CCDC141: variants seen among roughly 807,000 people sequenced by gnomAD.
CCDC141 encodes the protein coiled-coil domain-containing protein 141.
A neutral mutation model predicts 181.0 loss-of-function variants in CCDC141; 168 were observed. The observed-to-expected ratio is 0.93, with a 90% confidence interval of 0.82 to 1.05. The LOEUF (loss-of-function observed/expected upper bound fraction) is 1.05. Ranked by LOEUF, CCDC141 falls within the 50% of genes least tolerant of loss-of-function variation. The probability of loss-of-function intolerance (pLI) is 0.00; values close to 1 mark genes in which losing one functional copy is unlikely to be tolerated. For synonymous variants in CCDC141, 666 were observed against 642.3 expected (o/e 1.04, Z -0.56); for missense variants, 1,902 against 1,788.5 (o/e 1.06, Z -1.14).
In CCDC141 at chr2:179,047,401, G is replaced by A. The variant is rs1419880973; in HGVS notation, c.108C>T (p.Gly36=). Residue 36 remains glycine, a synonymous_variant, in exon 2 of 24, where the codon GGC becomes GGT. Coordinates refer to ENST00000443758, the MANE Select transcript of CCDC141 (RefSeq NM_173648.4). ...SKIVIAVIKC[G]KWVQLQLAES... ...CAGCCAGTTGAAGTTGTACCCATTT[G>A]CCACACTAAAAATAAAAATTAAATA... 26 of 1,503,130 alleles carry A rather than the reference G, an allele frequency of 1.7e-5. No individual in the cohort carries two copies. The highest frequency in any genetic ancestry group is 2.1e-5 in the Non-Finnish European group (24 of 1,130,348). The allele number at this position is 1,503,130 out of a possible 1,614,324, so 93.1% of individuals were successfully genotyped here. A position where few individuals can be genotyped will look rare whatever the true frequency, so the allele number is the denominator to read the frequency against.
chr2:178,903,857 G>T lies in CCDC141; in HGVS notation c.1265+1472C>A, dbSNP rs1687831137. On this transcript the variant is annotated intron_variant, in intron 8 of 23. Transcript: ENST00000443758. ...TAGCCTGACCAGAGAAATAACATCT[G>T]TCTGTGCTTTGAGACCCATTTGTTA... Among the ~76,000 whole-genome samples the T allele has an allele frequency of 7.2e-5, 11 of 152,040 alleles. No individual in the cohort carries two copies. The South Asian group carries it at 2.3e-3, about 32-fold the overall frequency.
At chr2:178,961,610 G>T in intron 4 of CCDC141, 127 bp from the exon 5 acceptor site, 1 of 835,374 alleles carries the variant, frequency 1.2e-6, no homozygotes. Flanking sequence ...TGTGCTGCAA[G>T]GAATTAAAAT....
At chr2:178,954,821 A>C (rs1229711743) in intron 5 of CCDC141, among the ~76,000 whole-genome samples, 4 of 152,072 alleles carry the variant, frequency 2.6e-5, no homozygotes, top group African/African-American at 9.7e-5. Flanking sequence ...ACAAAAAAAA[A>C]ACCAAAAAAC....
rs966478256 is a variant in CCDC141, at chr2:178,885,085, G to T, written c.1535C>A (p.Ser512Ter). 6.5e-7 allele frequency: 1 copy of T among 1,547,998 alleles called. No homozygotes were observed. The highest frequency in any genetic ancestry group is 1.4e-5 in the African/African-American group (1 of 72,932). ...LELDIQAKETSHELEAAAKTM... is the reference protein window; with the variant it reads ...LELDIQAKET ...TTTTGCAGCTGCTTCTAATTCATGT[G>T]ATGTCTCCTGTAAAAGCAAAGCACT... Residue 512 changes from serine (S) to a stop codon, truncating the protein, a stop_gained, in exon 11 of 24, where the codon TCA becomes TAA. Coordinates refer to ENST00000443758, the MANE Select transcript of CCDC141 (RefSeq NM_173648.4). LOFTEE classifies it high-confidence loss of function.
intron 4 of CCDC141, among the ~76,000 whole-genome samples, chr2:178,965,660 C>T (rs548169342): frequency 3.7e-4 from 56 of 152,326 alleles, no homozygotes; most frequent in Non-Finnish European, 7.5e-4. Flanking sequence ...CCACCAGGGC[C>T]CTGGGTTTCA....
intron 15 of CCDC141, 112 bp from the exon 16 acceptor site, chr2:178,868,317 A>G (rs1164516680): frequency 1.3e-5 from 11 of 819,564 alleles, no homozygotes; most frequent in Non-Finnish European, 2.1e-5. Flanking sequence ...TGCCAAGCCC[A>G]TCTTTAAACT....
chr2:179,013,079 C>A (rs2154384590), intron 2 of CCDC141, among the ~76,000 whole-genome samples: 1 of 152,186 alleles, frequency 6.6e-6, no homozygotes, highest in East Asian at 1.9e-4. Flanking sequence ...CCATTCTCAC[C>A]ACTCCTCTTC....
intron 19 of CCDC141, 65 bp from the exon 20 acceptor site, chr2:178,853,689 A>G: frequency 7.2e-7 from 1 of 1,387,628 alleles, no homozygotes; most frequent in East Asian, 2.3e-5. Flanking sequence ...CTTAATTTTG[A>G]CCAGTGAAGT....
At chr2:178,943,998 T>G (rs1422866001) in intron 6 of CCDC141, among the ~76,000 whole-genome samples, 1 of 152,198 alleles carries the variant, frequency 6.6e-6, no homozygotes, top group African/African-American at 2.4e-5. Flanking sequence ...AAATTATATC[T>G]GGAAGTCATA....
intron 2 of CCDC141, among the ~76,000 whole-genome samples, chr2:179,038,932 AT>A (rs759735537): frequency 1.3e-5 from 2 of 152,204 alleles, no homozygotes; most frequent in African/African-American, 2.4e-5. Flanking sequence ...TAAGAAGAAC[AT>A]TCTTGGCAAC....
At chr2:178,924,974 C>T (rs1301532289) in intron 6 of CCDC141, among the ~76,000 whole-genome samples, 2 of 152,174 alleles carry the variant, frequency 1.3e-5, no homozygotes, top group Non-Finnish European at 2.9e-5. Context: ...CTTGCTTTTA[C>T]TTCAGTGCAA....
intron 2 of CCDC141, among the ~76,000 whole-genome samples, chr2:179,001,173 C>G (rs1040921075): frequency 1.3e-5 from 2 of 152,108 alleles, no homozygotes. Flanking sequence ...AAAATACAAG[C>G]ACAAGTGTAA....
intron 8 of CCDC141, among the ~76,000 whole-genome samples, chr2:178,897,550 A>G (rs1687471141): frequency 6.6e-6 from 1 of 152,334 alleles, no homozygotes; most frequent in Non-Finnish European, 1.5e-5. Context: ...TTAAAGTTAC[A>G]CCAAAGCAAA....
intron 5 of CCDC141, among the ~76,000 whole-genome samples, 170 bp from the exon 6 acceptor site, chr2:178,944,821 T>C (rs1689663941): frequency 6.6e-6 from 1 of 152,122 alleles, no homozygotes; most frequent in South Asian, 2.1e-4. Flanking sequence ...TTTTTCTTCA[T>C]TTAACCTCTA....
In CCDC141 at chr2:178,855,459, A is replaced by G. The variant is rs774941644; in HGVS notation, c.2948T>C (p.Leu983Pro). 14 of 1,611,808 alleles carry G rather than the reference A, an allele frequency of 8.7e-6. 1 individual carries two copies. The Admixed American group carries it at 2.3e-4, about 27-fold the overall frequency. The change falls in exon 19 of 24, where the codon CTT becomes CCT. Residue 983 changes from leucine to proline, a missense_variant. Coordinates refer to ENST00000443758, the MANE Select transcript of CCDC141 (RefSeq NM_173648.4). Reference protein sequence around the residue: ...LNYPSDKVNVLLEVMKDLQKH... With the variant: ...LNYPSDKVNVPLEVMKDLQKH... ...TTGCAAATCCTTCATGACTTCCAAA[A>G]GGACATTAACTTTATCACTTGGATA...
At chr2:178,960,132 A>G (rs1050384200) in intron 5 of CCDC141, among the ~76,000 whole-genome samples, 1 of 152,152 alleles carries the variant, frequency 6.6e-6, no homozygotes, top group Non-Finnish European at 1.5e-5. Flanking sequence ...GCCTCCCACA[A>G]CCAGGAATTA....
At chr2:178,965,808 C>A (rs887745825) in intron 4 of CCDC141, among the ~76,000 whole-genome samples, 2 of 152,108 alleles carry the variant, frequency 1.3e-5, no homozygotes, top group Non-Finnish European at 2.9e-5. Flanking sequence ...AGCCAGGGAG[C>A]CAAGTGGTCT....
Position 178,932,036 on chromosome 2 carries a change from G to A in CCDC141, c.897+12499C>T, listed in dbSNP as rs997945430. On this transcript the variant is annotated intron_variant, in intron 6 of 23. Coordinates refer to ENST00000443758, the MANE Select transcript of CCDC141 (RefSeq NM_173648.4). ...AGCTGGGGCATGGTTATGCATGCTT[G>A]TAATCCCAGCTACTCAAGAGGCTGA... Among the ~76,000 whole-genome samples, 27 of 152,240 alleles carry A rather than the reference G, an allele frequency of 1.8e-4. 1 individual carries two copies. Among genetic ancestry groups the A allele is most frequent in the African/African-American group, 5.3e-4 (22 of 41,548 alleles).
At chr2:178,845,960 A>G (rs1203541553) in intron 21 of CCDC141, among the ~76,000 whole-genome samples, 3 of 152,226 alleles carry the variant, frequency 2.0e-5, no homozygotes, top group African/African-American at 7.2e-5. Context: ...CATTGCCAGT[A>G]AAAATTGGTT....
Sources: allele counts gnomAD v4.1 joint callset (sites outside exome capture counted in the v4.1 genomes callset), GRCh38; gene constraint gnomAD v4.1.1; transcripts MANE v1.5; gene names NCBI Gene and HGNC (gene_info 2026-07-23, HGNC 2026-07-21).